CHN2: variants seen among roughly 807,000 people sequenced by gnomAD.
CHN2 encodes the protein chimerin 2.
In CHN2, 35 loss-of-function variants were observed where a neutral mutation model predicts 56.3. That is an observed-to-expected ratio of 0.62 (90% CI 0.47 to 0.82). The LOEUF (loss-of-function observed/expected upper bound fraction) is 0.82. Among genes scored for constraint, CHN2 ranks in the 40% least tolerant of loss-of-function variants. The pLI is 0.00. For missense variants in CHN2, 491 were observed against 580.5 expected, an observed-to-expected ratio of 0.85 and a Z score of 1.58; for synonymous variants, 210 against 212.8, an observed-to-expected ratio of 0.99 and a Z score of 0.12.
chr7:29,183,889 AAAC>A (rs1293007074), intron 2 of CHN2, among the ~76,000 whole-genome samples: 1 of 152,230 alleles, frequency 6.6e-6, no homozygotes, highest in African/African-American at 2.4e-5. Flanking sequence ...TAAAAATTAC[AAAC>A]AACAATTAAA....
intron 3 of CHN2, among the ~76,000 whole-genome samples, chr7:29,388,803 A>G (rs1158900548): frequency 6.6e-6 from 1 of 152,246 alleles, no homozygotes; most frequent in East Asian, 1.9e-4. Flanking sequence ...CATTGGGCTG[A>G]AAACATAACA....
rs796729700 is a variant in CHN2, at chr7:29,374,152, T to TC, written c.144+6170dup. On this transcript the variant is annotated intron_variant, in intron 3 of 12. Coordinates refer to ENST00000222792, the MANE Select transcript of CHN2 (RefSeq NM_004067.4). ...GACTTTCTCTGCTTGTCTCTTTTTT[T>TC]CCCCCTTAATGCCGACACAATCAAG... 1.3e-4 allele frequency among the ~76,000 whole-genome samples: 20 copies of TC among 152,214 alleles called. 1 individual carries two copies. The South Asian group carries it at 4.1e-3, about 32-fold the overall frequency.
chr7:29,314,079 A>C (rs1400836010), intron 1 of CHN2, among the ~76,000 whole-genome samples: 1 of 152,238 alleles, frequency 6.6e-6, no homozygotes, highest in Non-Finnish European at 1.5e-5. Context: ...ATTAAAGGCA[A>C]AATTTCCAAG....
intron 6 of CHN2, among the ~76,000 whole-genome samples, chr7:29,423,555 T>A (rs3793267): frequency 0.22 from 33,227 of 152,174 alleles, 4,640 homozygotes; most frequent in African/African-American, 0.39. Flanking sequence ...GGAATCTGCT[T>A]CCCAGAAAAC....
Position 29,464,454 on chromosome 7 carries a change from G to A in CHN2, c.577-15825G>A, listed in dbSNP as rs373842914. 5.3e-5 allele frequency among the ~76,000 whole-genome samples: 8 copies of A among 152,190 alleles called. No individual in the cohort carries two copies. In the East Asian group the frequency reaches 7.7e-4, roughly 15 times the overall value. ...CTGGATGATATAGAAGTGGGTCTGC[G>A]TAAAGGTTGATAGGTGCAGCAAACC... On this transcript the variant is annotated intron_variant, in intron 6 of 12. Coordinates refer to ENST00000222792, the MANE Select transcript of CHN2 (RefSeq NM_004067.4).
At chr7:29,458,485 A>G (rs376342538) in intron 6 of CHN2, among the ~76,000 whole-genome samples, 2 of 152,158 alleles carry the variant, frequency 1.3e-5, no homozygotes, top group South Asian at 2.1e-4. Flanking sequence ...CCAATATTAT[A>G]TAATTATCTG....
intron 1 of CHN2, among the ~76,000 whole-genome samples, chr7:29,245,076 A>G (rs1189465615): frequency 6.6e-6 from 1 of 152,206 alleles, no homozygotes; most frequent in Non-Finnish European, 1.5e-5. Context: ...CTCTACCTGC[A>G]ATGCCTTCTG....
rs183059296 is a variant in CHN2, at chr7:29,348,242, C to A, written c.50-6383C>A. Among the ~76,000 whole-genome samples, 72 of 152,250 alleles carry A rather than the reference C, an allele frequency of 4.7e-4. 1 individual carries two copies. The highest frequency in any genetic ancestry group is 1.6e-3 in the African/African-American group (68 of 41,564). On this transcript the variant is annotated intron_variant, in intron 1 of 12. Coordinates refer to ENST00000222792, the MANE Select transcript of CHN2 (RefSeq NM_004067.4). Reference sequence around the variant, plus strand: ...CTTTCTGTAGGCTAATCCCAGAATTCTTTGTTTTCCCTCAAAGACCAGAAC... The same window carrying A: ...CTTTCTGTAGGCTAATCCCAGAATTATTTGTTTTCCCTCAAAGACCAGAAC...
chr7:29,303,309 G>A (rs565929892), intron 1 of CHN2, among the ~76,000 whole-genome samples: 5 of 151,890 alleles, frequency 3.3e-5, no homozygotes, highest in South Asian at 2.1e-4. Flanking sequence ...CCATTGATGC[G>A]CCGCCTTTGG....
chr7:29,356,916 T>G (rs1798359817), intron 2 of CHN2, among the ~76,000 whole-genome samples: 1 of 152,266 alleles, frequency 6.6e-6, no homozygotes, highest in Admixed American at 6.5e-5. Flanking sequence ...CTTTGCACAC[T>G]GGCTCGCGCA....
intron 1 of CHN2, among the ~76,000 whole-genome samples, chr7:29,304,977 C>G (rs1350424463): frequency 6.6e-6 from 1 of 152,166 alleles, no homozygotes; most frequent in African/African-American, 2.4e-5. Context: ...CGTCTGTTTC[C>G]CGTGAACCAG....
intron 12 of CHN2, among the ~76,000 whole-genome samples, chr7:29,511,556 G>T (rs570578626): frequency 3.3e-5 from 5 of 152,290 alleles, no homozygotes; most frequent in Non-Finnish European, 5.9e-5. Context: ...CACTTTGATG[G>T]TGAGAAACGT....
chr7:29,272,541 A>G (rs1044626979), intron 1 of CHN2, among the ~76,000 whole-genome samples: 1 of 127,872 alleles, frequency 7.8e-6, no homozygotes, highest in Non-Finnish European at 1.6e-5. Context: ...CTGAAGCCCT[A>G]TGCTTGTCTA....
At chr7:29,483,739 G>A (rs1389883874) in intron 7 of CHN2, 5 of 861,692 alleles carry the variant, frequency 5.8e-6, no homozygotes, top group East Asian at 1.6e-4. Flanking sequence ...CCTTATGGCT[G>A]AGCTCTGAAA....
chr7:29,377,005 T>G (rs1388777974), intron 3 of CHN2, among the ~76,000 whole-genome samples: 1 of 152,052 alleles, frequency 6.6e-6, no homozygotes, highest in East Asian at 1.9e-4. Flanking sequence ...CAAATTCAGG[T>G]TTTTTTGTTT....
chr7:29,285,481 A>G (rs961314328), intron 1 of CHN2, among the ~76,000 whole-genome samples: 4 of 152,238 alleles, frequency 2.6e-5, no homozygotes, highest in Admixed American at 6.5e-5. Context: ...TCTGCTTCAC[A>G]TAAAATACGG....
At chr7:29,418,064 G>C (rs954361566) in intron 6 of CHN2, among the ~76,000 whole-genome samples, 3 of 152,258 alleles carry the variant, frequency 2.0e-5, no homozygotes, top group African/African-American at 7.2e-5. Flanking sequence ...CAAGTGGAGA[G>C]ATGAAGGATT....
At chr7:29,259,873 G>C (rs1224898118) in intron 1 of CHN2, among the ~76,000 whole-genome samples, 2 of 152,162 alleles carry the variant, frequency 1.3e-5, no homozygotes, top group Non-Finnish European at 2.9e-5. Flanking sequence ...TTATACCTTA[G>C]TATAGCTGGA....
chr7:29,211,548 G>C (rs953553964), intron 1 of CHN2, among the ~76,000 whole-genome samples: 5 of 151,828 alleles, frequency 3.3e-5, no homozygotes, highest in African/African-American at 1.2e-4. Flanking sequence ...TGTGCTCTGA[G>C]ACTGTCTTTT....
Sources: allele counts gnomAD v4.1 joint callset (sites outside exome capture counted in the v4.1 genomes callset), GRCh38; gene constraint gnomAD v4.1.1; transcripts MANE v1.5; gene names NCBI Gene and HGNC (gene_info 2026-07-23, HGNC 2026-07-21).